PDGFRB: variants seen among roughly 807,000 people sequenced by gnomAD.
PDGFRB encodes platelet derived growth factor receptor beta.
In PDGFRB, 42 loss-of-function variants were observed where a neutral mutation model predicts 120.2. The ratio of observed to expected loss-of-function variants is 0.35; its 90% CI spans 0.27 to 0.45. PDGFRB has a LOEUF of 0.45. Ranked by LOEUF, PDGFRB falls within the 20% of genes least tolerant of loss-of-function variation. The probability of loss-of-function intolerance (pLI) is 1.00; values close to 1 mark genes in which losing one functional copy is unlikely to be tolerated. For missense variants in PDGFRB, 1,149 were observed against 1,476.3 expected, an observed-to-expected ratio of 0.78 and a Z score of 3.63; for synonymous variants, 586 against 606.8, an observed-to-expected ratio of 0.97 and a Z score of 0.50.
At chr5:150,152,841 T>TG (rs1761114904) in intron 1 of PDGFRB, among the ~76,000 whole-genome samples, 1 of 152,200 alleles carries the variant, frequency 6.6e-6, no homozygotes, top group African/African-American at 2.4e-5. Context: ...GGTCCAGCTG[T>TG]GAAGTGCAGG....
intron 1 of PDGFRB, 106 bp from the exon 2 acceptor site, chr5:150,137,159 C>T: frequency 1.2e-6 from 1 of 868,568 alleles, no homozygotes; most frequent in East Asian, 2.7e-5. Flanking sequence ...GGCCACCCAG[C>T]CTTCATGTCC....
intron 10 of PDGFRB, 60 bp from the exon 11 acceptor site, chr5:150,126,674 C>T: frequency 1.2e-6 from 1 of 861,464 alleles, no homozygotes. Context: ...CCCCTCACCC[C>T]ATCTTTGGCA....
chr5:150,143,282 C>A (rs1760830361), intron 1 of PDGFRB, among the ~76,000 whole-genome samples: 2 of 152,228 alleles, frequency 1.3e-5, no homozygotes, highest in Non-Finnish European at 2.9e-5. Context: ...AGTGAAACTG[C>A]AGCTAAGGGT....
Position 150,115,020 on chromosome 5 carries a change from G to A in PDGFRB, c.*743C>T, listed in dbSNP as rs978662996. The stretch of plus-strand genomic sequence containing the variant: ...TAAGACTGAGGGTGATAAAGAAAAA[G>A]CCCCAGGACTGATGGGCCTGAAGGA... On this transcript the variant is annotated 3_prime_UTR_variant, in exon 23 of 23. Coordinates refer to ENST00000261799, the MANE Select transcript of PDGFRB (RefSeq NM_002609.4). 8 of 233,012 alleles carry A rather than the reference G, an allele frequency of 3.4e-5. No homozygotes were observed. Among genetic ancestry groups the A allele is most frequent in the African/African-American group, 1.8e-4 (8 of 45,312 alleles). The allele number at this position is 233,012 out of a possible 1,614,324, so 14.4% of individuals were successfully genotyped here.
In PDGFRB at chr5:150,135,794, A is replaced by T. The variant is rs2113912688; in HGVS notation, c.125T>A (p.Leu42His). The change falls in exon 3 of 23, where the codon CTT becomes CAT. Residue 42 changes from leucine to histidine, a missense_variant. By Grantham distance (99) the Leu-to-His change is moderately conservative. Coordinates refer to ENST00000261799, the MANE Select transcript of PDGFRB (RefSeq NM_002609.4). ...GLVVTPPGPELVLNVSSTFVL... is the reference protein window; with the variant it reads ...GLVVTPPGPEHVLNVSSTFVL... The stretch of plus-strand genomic sequence containing the variant: ...GAAGGTGCTGGAGACATTGAGGACA[A>T]GCTCTGGCCCCGGGGGTGTGACGAC... 6.2e-7 allele frequency: 1 copy of T among 1,603,570 alleles called. No individual in the cohort carries two copies. The highest frequency in any genetic ancestry group is 8.5e-7 in the Non-Finnish European group (1 of 1,174,424).
intron 1 of PDGFRB, chr5:150,137,467 T>G (rs923081719): frequency 6.2e-6 from 1 of 160,494 alleles, no homozygotes; most frequent in Non-Finnish European, 1.4e-5. Context: ...GGACAAATAT[T>G]TGGGAAAGTG....
chr5:150,146,817 T>C (rs1760935765), intron 1 of PDGFRB, among the ~76,000 whole-genome samples: 1 of 152,194 alleles, frequency 6.6e-6, no homozygotes, highest in Non-Finnish European at 1.5e-5. Context: ...CTCCCTCTAA[T>C]GGCGTCCATA....
At chr5:150,130,361 G>C (rs1369558089) in intron 9 of PDGFRB, among the ~76,000 whole-genome samples, 178 bp downstream of exon 9, 1 of 152,168 alleles carries the variant, frequency 6.6e-6, no homozygotes, top group Non-Finnish European at 1.5e-5. Context: ...TAAAGGTAAG[G>C]AAAAGGGACC....
chr5:150,154,329 T>C (rs1761163878), intron 1 of PDGFRB, among the ~76,000 whole-genome samples: 1 of 152,038 alleles, frequency 6.6e-6, no homozygotes, highest in African/African-American at 2.4e-5. Flanking sequence ...TTTGGAGTAA[T>C]GGGGCACGGG....
rs1761206472 is a variant in PDGFRB at position 150,155,504 on chromosome 5, G to A, written c.-114C>T. 3 of 398,406 alleles carry A rather than the reference G, an allele frequency of 7.5e-6. No homozygotes were observed. The highest frequency in any genetic ancestry group is 4.4e-5 in the Admixed American group (1 of 22,724). 24.7% of individuals were successfully genotyped at this position (398,406 alleles called of 1,614,324 possible). Reference sequence around the variant, plus strand: ...CTCCCAGTTATCAGAAAGACTGCTGGTCCCAGAGTGGGTAACAGCTGAGTA... The same window carrying A: ...CTCCCAGTTATCAGAAAGACTGCTGATCCCAGAGTGGGTAACAGCTGAGTA... On this transcript the variant is annotated 5_prime_UTR_variant, in exon 1 of 23. Transcript: ENST00000261799.
chr5:150,117,641 C>T lies in PDGFRB; in HGVS notation c.3114G>A (p.Leu1038=), dbSNP rs1191762407. 2 of 1,612,238 alleles carry T rather than the reference C, an allele frequency of 1.2e-6. No individual in the cohort carries two copies. The highest frequency in any genetic ancestry group is 1.7e-5 in the Admixed American group (1 of 59,992). Residue 1038 remains leucine, a synonymous_variant, in exon 22 of 23, where the codon CTG becomes CTA. Transcript: ENST00000261799. ...PKPEVADEGP[L]EGSPSLASST... is the part of the protein sequence containing the mutation. Reference sequence around the variant, plus strand: ...ACCTGGCTAGGCTGGGGGAACCCTCCAGTGGGCCCTCGTCAGCAACCTCGG... The same window carrying T: ...ACCTGGCTAGGCTGGGGGAACCCTCTAGTGGGCCCTCGTCAGCAACCTCGG...
chr5:150,136,461 C>T (rs965989314), intron 2 of PDGFRB, among the ~76,000 whole-genome samples: 1 of 152,194 alleles, frequency 6.6e-6, no homozygotes, highest in South Asian at 2.1e-4. Context: ...TCAGGCCACG[C>T]CCTCCATGCC....
At chr5:150,143,790 G>A (rs985924692) in intron 1 of PDGFRB, among the ~76,000 whole-genome samples, 1 of 151,956 alleles carries the variant, frequency 6.6e-6, no homozygotes, top group Non-Finnish European at 1.5e-5. Flanking sequence ...GCTCCCACCC[G>A]CCCCCTTCAA....
chr5:150,142,568 G>T (rs1396074166), intron 1 of PDGFRB, among the ~76,000 whole-genome samples: 2 of 150,548 alleles, frequency 1.3e-5, no homozygotes, highest in Admixed American at 1.3e-4. Context: ...GGGGGGTTGG[G>T]GTGGGAAGTA....
intron 1 of PDGFRB, among the ~76,000 whole-genome samples, chr5:150,141,387 A>G (rs1290975951): frequency 6.6e-6 from 1 of 152,252 alleles, no homozygotes; most frequent in Non-Finnish European, 1.5e-5. Flanking sequence ...TTTGGCACGT[A>G]TTGGCTCACT....
At chr5:150,140,605 C>T (rs986746266) in intron 1 of PDGFRB, among the ~76,000 whole-genome samples, 9 of 152,168 alleles carry the variant, frequency 5.9e-5, no homozygotes, top group East Asian at 3.9e-4. Context: ...ACCCCAAGTC[C>T]GGGGCACAGA....
At chr5:150,122,898 T>C (rs1580797958) in intron 15 of PDGFRB, 144 bp downstream of exon 15, 1 of 716,706 alleles carries the variant, frequency 1.4e-6, no homozygotes, top group East Asian at 2.5e-5. Context: ...GGGTGGACCA[T>C]CTTGTGGAAC....
Position 150,117,536 on chromosome 5 carries a change from G to GCA in PDGFRB, c.3137+81_3137+82insTG, listed in dbSNP as rs765222807. ...CTGAGGCAAACCTGGCAGCGCGCGC[G>GCA]CGCGCGCGCACACACACACACACAC... On this transcript the variant is annotated intron_variant, in intron 22 of 22. Coordinates refer to ENST00000261799, the MANE Select transcript of PDGFRB (RefSeq NM_002609.4). The GCA allele has an allele frequency of 8.0e-4, 541 of 678,042 alleles. 4 individuals are homozygous for GCA. Among genetic ancestry groups the GCA allele is most frequent in the African/African-American group, 7.2e-3 (262 of 36,356 alleles). 42.0% of individuals were successfully genotyped at this position (678,042 alleles called of 1,614,324 possible). A position where few individuals can be genotyped will look rare whatever the true frequency, so the allele number is the denominator to read the frequency against.
Position 150,121,156 on chromosome 5 carries a change from A to G in PDGFRB, c.2463+48T>C, listed in dbSNP as rs1360790058. The stretch of plus-strand genomic sequence containing the variant: ...TTGGAGGATGCTGGCTGGCTGGGTG[A>G]CCCACCTCCCCACAGCCCCCACTCT... On this transcript the variant is annotated intron_variant, in intron 17 of 22. Coordinates refer to ENST00000261799, the MANE Select transcript of PDGFRB (RefSeq NM_002609.4). This position sits in a 1 kb window ranked among gnomAD's most constrained non-coding sequence, Gnocchi z 4.1. 2 of 1,310,074 alleles carry G rather than the reference A, an allele frequency of 1.5e-6. No homozygotes were observed. Among genetic ancestry groups the G allele is most frequent in the Non-Finnish European group, 2.2e-6 (2 of 902,992 alleles). The allele number at this position is 1,310,074 out of a possible 1,614,324, so 81.2% of individuals were successfully genotyped here. A position where few individuals can be genotyped will look rare whatever the true frequency, so the allele number is the denominator to read the frequency against.
Sources: gnomAD v4.1 joint callset for allele counts (sites outside exome capture counted in the v4.1 genomes callset) on GRCh38, gnomAD v4.1.1 for gene constraint, Gnocchi (gnomAD v3.1) non-coding constraint, MANE v1.5 for transcripts, NCBI Gene and HGNC (gene_info 2026-07-23, HGNC 2026-07-21) for gene names.